The following PTPRT variants were observed in gnomAD, a reference collection of about 807,000 sequenced individuals.
The protein encoded by PTPRT is protein tyrosine phosphatase receptor type T.
PTPRT carries 56 observed loss-of-function variants against 176.8 expected under a neutral mutation model. That is an observed-to-expected ratio of 0.32 (90% CI 0.26 to 0.40). PTPRT has a LOEUF of 0.40. Ranked by LOEUF, PTPRT falls within the 10% of genes least tolerant of loss-of-function variation. The pLI, the probability that PTPRT is intolerant of heterozygous loss-of-function variation, is 1.00. For missense variants in PTPRT, 1,540 were observed against 1,908.2 expected (o/e 0.81, Z 3.60); for synonymous variants, 783 against 739.0 (o/e 1.06, Z -0.96).
intron 6 of PTPRT, among the ~76,000 whole-genome samples, chr20:42,723,795 A>G (rs1023043174): frequency 6.6e-6 from 1 of 152,206 alleles, no homozygotes; most frequent in Non-Finnish European, 1.5e-5. Flanking sequence ...CCACCCAAGG[A>G]GCCCACATGG....
chr20:42,102,197 A>G lies in PTPRT; in HGVS notation c.3641T>C (p.Leu1214Pro). The change falls in exon 26 of 31, where the codon CTG becomes CCG. Residue 1214 changes from leucine (L) to proline (P), a missense_variant. By Grantham distance (98) the Leu-to-Pro change is moderately conservative. Coordinates refer to ENST00000373187, the MANE Select transcript of PTPRT (RefSeq NM_007050.6). ...GATAAGGAAGGGCAGGCAGCGGTCC[A>G]GAGGCAGCACGTCCATACTTCGATT... Reference protein sequence around the residue: ...DKNRSMDVLPLDRCLPFLISV... With the variant: ...DKNRSMDVLPPDRCLPFLISV... 1 of 1,614,158 alleles carries G rather than the reference A, an allele frequency of 6.2e-7. No homozygotes were observed. Among genetic ancestry groups the G allele is most frequent in the Non-Finnish European group, 8.5e-7 (1 of 1,180,030 alleles).
At chr20:42,662,997 T>C (rs2075252150) in intron 7 of PTPRT, among the ~76,000 whole-genome samples, 1 of 152,158 alleles carries the variant, frequency 6.6e-6, no homozygotes, top group South Asian at 2.1e-4. Context: ...TATGTGTGTG[T>C]GTATTTATAT....
chr20:42,402,331 CT>C (rs1414672262), intron 9 of PTPRT, among the ~76,000 whole-genome samples: 3 of 151,914 alleles, frequency 2.0e-5, no homozygotes, highest in African/African-American at 7.3e-5. Flanking sequence ...CCAACCAAGC[CT>C]GTGCTAAAAC....
chr20:42,679,985 A>T (rs1048499241), intron 6 of PTPRT, among the ~76,000 whole-genome samples: 1 of 152,216 alleles, frequency 6.6e-6, no homozygotes, highest in African/African-American at 2.4e-5. Context: ...AAGGAAGAGG[A>T]GAAAGGGCAG....
chr20:42,768,110 C>T (rs1376735966), intron 5 of PTPRT, among the ~76,000 whole-genome samples: 2 of 151,678 alleles, frequency 1.3e-5, no homozygotes, highest in African/African-American at 4.8e-5. Context: ...GCCACACAGG[C>T]ATTTGTCAGA....
intron 1 of PTPRT, among the ~76,000 whole-genome samples, chr20:43,148,125 GA>G (rs2014230202): frequency 6.6e-6 from 1 of 152,056 alleles, no homozygotes; most frequent in Non-Finnish European, 1.5e-5. Flanking sequence ...TGGGTGGGGG[GA>G]TCTGCCTCCA....
At chr20:42,771,108 G>A (rs1295241982) in intron 5 of PTPRT, among the ~76,000 whole-genome samples, 1 of 152,152 alleles carries the variant, frequency 6.6e-6, no homozygotes, top group African/African-American at 2.4e-5. Context: ...TGCAAATGCT[G>A]GTTAGAGCAG....
chr20:43,062,604 C>G (rs982808797), intron 1 of PTPRT, among the ~76,000 whole-genome samples: 1 of 152,204 alleles, frequency 6.6e-6, no homozygotes, highest in African/African-American at 2.4e-5. Context: ...CATGCAATCA[C>G]GTTAACGCTA....
intron 27 of PTPRT, among the ~76,000 whole-genome samples, chr20:42,089,835 G>A (rs1404760366): frequency 6.6e-6 from 1 of 152,116 alleles, no homozygotes. Flanking sequence ...AAGCAGGGGG[G>A]CCATGTTTTC....
At chr20:42,095,909 A>G (rs901170786) in intron 27 of PTPRT, among the ~76,000 whole-genome samples, 22 of 152,128 alleles carry the variant, frequency 1.4e-4, no homozygotes, top group Non-Finnish European at 3.1e-4. Flanking sequence ...GGTGCACTCA[A>G]TTTCATCCCC....
At chr20:42,543,444 T>C (rs1443657722) in intron 7 of PTPRT, among the ~76,000 whole-genome samples, 2 of 152,210 alleles carry the variant, frequency 1.3e-5, no homozygotes, top group Non-Finnish European at 2.9e-5. Flanking sequence ...AATTCAGCTA[T>C]ATCTTCAGGC....
At chr20:42,807,983 T>G (rs1338394104) in intron 2 of PTPRT, among the ~76,000 whole-genome samples, 2 of 152,166 alleles carry the variant, frequency 1.3e-5, no homozygotes, top group African/African-American at 2.4e-5. Flanking sequence ...CACACAGTCT[T>G]TAGCAGTAGC....
rs1322533802 is a variant in PTPRT at position 42,903,425 on chromosome 20, T to A, written c.89-17493A>T. On this transcript the variant is annotated intron_variant, in intron 1 of 30. Transcript: ENST00000373187. ...ACAGATATTGGTTTATGTACCCAGT[T>A]TTTATAAGTATATTAACATTTAATT... Among the ~76,000 whole-genome samples, 3 of 152,350 alleles carry A rather than the reference T, an allele frequency of 2.0e-5. No individual in the cohort carries two copies. The East Asian group carries it at 5.8e-4, about 29-fold the overall frequency.
At chr20:42,586,196 G>T (rs1045837483) in intron 7 of PTPRT, among the ~76,000 whole-genome samples, 3 of 151,998 alleles carry the variant, frequency 2.0e-5, no homozygotes, top group African/African-American at 7.2e-5. Flanking sequence ...AAACATAAGC[G>T]CCTCCAAATT....
intron 11 of PTPRT, among the ~76,000 whole-genome samples, chr20:42,336,437 G>A (rs887277718): frequency 1.3e-5 from 2 of 152,046 alleles, no homozygotes; most frequent in African/African-American, 4.8e-5. Flanking sequence ...GGGGGAGGGG[G>A]GGTTGTAAAT....
intron 9 of PTPRT, among the ~76,000 whole-genome samples, chr20:42,411,644 C>T (rs1016680379): frequency 3.3e-5 from 5 of 150,554 alleles, no homozygotes; most frequent in Admixed American, 2.6e-4. Context: ...CAAGGACGAA[C>T]ATTACTACAG....
intron 1 of PTPRT, among the ~76,000 whole-genome samples, chr20:43,001,155 GGAAAA>G (rs1224885731): frequency 6.6e-6 from 1 of 151,936 alleles, no homozygotes; most frequent in Non-Finnish European, 1.5e-5. Context: ...AAAAGATGAA[GGAAAA>G]GAAGAGACAA....
At chr20:42,244,345 C>A (rs1166082707) in intron 14 of PTPRT, among the ~76,000 whole-genome samples, 1 of 152,096 alleles carries the variant, frequency 6.6e-6, no homozygotes, top group African/African-American at 2.4e-5. Flanking sequence ...CAAGACACTC[C>A]AAATACACTC....
intron 6 of PTPRT, among the ~76,000 whole-genome samples, chr20:42,748,793 G>A (rs1486103323): frequency 6.6e-6 from 1 of 151,956 alleles, no homozygotes; most frequent in African/African-American, 2.4e-5. Flanking sequence ...AATGACTGGA[G>A]GGGGTTAAGG....
Sources: allele counts gnomAD v4.1 joint callset (sites outside exome capture counted in the v4.1 genomes callset), GRCh38; gene constraint gnomAD v4.1.1; transcripts MANE v1.5; gene names NCBI Gene and HGNC (gene_info 2026-07-23, HGNC 2026-07-21).